Variants in ZNF536 observed in about 807,000 individuals in gnomAD.
The protein encoded by ZNF536 is zinc finger protein 536.
ZNF536 carries 13 observed loss-of-function variants against 84.5 expected under a neutral mutation model. The ratio of observed to expected loss-of-function variants is 0.15; its 90% confidence interval spans 0.10 to 0.24. ZNF536 has a LOEUF of 0.24. ZNF536 is among the 10% of genes least tolerant of loss of function. The probability of loss-of-function intolerance (pLI) is 1.00; values close to 1 mark genes in which losing one functional copy is unlikely to be tolerated. For missense variants in ZNF536, 1,536 were observed against 1,747.5 expected (o/e 0.88, Z 2.16); for synonymous variants, 811 against 742.5 (o/e 1.09, Z -1.50).
intron 1 of ZNF536, among the ~76,000 whole-genome samples, chr19:30,233,015 C>T (rs1383126808): frequency 6.6e-6 from 1 of 152,184 alleles, no homozygotes; most frequent in African/African-American, 2.4e-5. Flanking sequence ...CCTTTGGGGA[C>T]TGCACAAGCT....
intron 1 of ZNF536, among the ~76,000 whole-genome samples, chr19:30,650,758 C>G (rs1019103780): frequency 6.6e-6 from 1 of 152,194 alleles, no homozygotes; most frequent in Non-Finnish European, 1.5e-5. Context: ...CCAAGAATGT[C>G]AATCTCTGCT....
At chr19:30,494,524 G>A (rs79579950) in intron 2 of ZNF536, among the ~76,000 whole-genome samples, 140 of 152,290 alleles carry the variant, frequency 9.2e-4, no homozygotes, top group African/African-American at 3.2e-3. Context: ...CAGCTCACGT[G>A]GACTTTGGGC....
At chr19:30,559,320 C>T (rs1192577877), downstream of ZNF536, among the ~76,000 whole-genome samples, 4 of 152,214 alleles carry the variant, frequency 2.6e-5, no homozygotes, top group African/African-American at 9.6e-5. Context: ...ATGACCCTAA[C>T]CTCCAGGCCC....
downstream of ZNF536, among the ~76,000 whole-genome samples, chr19:30,558,497 A>T (rs2046046887): frequency 6.6e-6 from 1 of 152,088 alleles, no homozygotes; most frequent in African/African-American, 2.4e-5. Flanking sequence ...AAATCTGAAC[A>T]TGTTCTTTTC....
intron 1 of ZNF536, among the ~76,000 whole-genome samples, chr19:30,648,198 A>C (rs990170458): frequency 5.9e-5 from 9 of 152,098 alleles, no homozygotes; most frequent in African/African-American, 2.2e-4. Flanking sequence ...AGATGCTCTT[A>C]GCTGCAGGTG....
intron 1 of ZNF536, among the ~76,000 whole-genome samples, chr19:30,415,588 C>T (rs546805986): frequency 4.4e-4 from 55 of 123,716 alleles, no homozygotes; most frequent in Non-Finnish European, 7.8e-4. Flanking sequence ...TCATCATCAT[C>T]GTCATCGTCA....
intron 2 of ZNF536, among the ~76,000 whole-genome samples, chr19:30,294,565 G>A (rs1050383845): frequency 6.6e-6 from 1 of 151,340 alleles, no homozygotes; most frequent in East Asian, 1.9e-4. Flanking sequence ...GTGTGTGTGT[G>A]TGTGTGTGTG....
intron 1 of ZNF536, among the ~76,000 whole-genome samples, chr19:30,265,423 C>T (rs2025460292): frequency 6.6e-6 from 1 of 152,168 alleles, no homozygotes; most frequent in Admixed American, 6.5e-5. Flanking sequence ...GGTCTCCCTT[C>T]ATCAGAGCAT....
At chr19:30,437,881 T>A (rs2051827249) in intron 1 of ZNF536, among the ~76,000 whole-genome samples, 2 of 152,240 alleles carry the variant, frequency 1.3e-5, no homozygotes, top group African/African-American at 4.8e-5. Flanking sequence ...ATCCTCTTCC[T>A]TATAGGTTTC....
At chr19:30,624,353 C>T (rs1335935251) in intron 1 of ZNF536, among the ~76,000 whole-genome samples, 1 of 152,176 alleles carries the variant, frequency 6.6e-6, no homozygotes, top group Non-Finnish European at 1.5e-5. Context: ...TGCCTTGAGC[C>T]TCAGGGTGCT....
chr19:30,679,162 G>A (rs2050870646), intron 1 of ZNF536, among the ~76,000 whole-genome samples: 1 of 152,114 alleles, frequency 6.6e-6, no homozygotes, highest in African/African-American at 2.4e-5. Flanking sequence ...ATGGAGGTCG[G>A]TTCAATACAG....
intron 4 of ZNF536, chr19:30,555,683 TGAAA>T (rs2045940624): frequency 6.6e-6 from 1 of 152,196 alleles, no homozygotes; most frequent in African/African-American, 2.4e-5. Flanking sequence ...GGCTGGGGTA[TGAAA>T]TACACAGTGA....
At chr19:30,464,334 G>A (rs915661347) in intron 2 of ZNF536, among the ~76,000 whole-genome samples, 7 of 152,124 alleles carry the variant, frequency 4.6e-5, no homozygotes, top group African/African-American at 1.4e-4. Context: ...TGGGGGTGTC[G>A]ACCAGAGCCT....
chr19:30,671,250 G>A (rs935048547), intron 1 of ZNF536, among the ~76,000 whole-genome samples: 15 of 152,242 alleles, frequency 9.9e-5, no homozygotes, highest in African/African-American at 3.6e-4. Context: ...TTGGGGAAGG[G>A]GTCATGTGTC....
In ZNF536 at chr19:30,394,426, C is replaced by T. The variant is rs117111718; in HGVS notation, c.-3+21870C>T. 4.2e-3 allele frequency among the ~76,000 whole-genome samples: 636 copies of T among 152,238 alleles called. 3 individuals carry two copies. Among genetic ancestry groups the T allele is most frequent in the Non-Finnish European group, 7.1e-3 (480 of 68,010 alleles). On this transcript the variant is annotated intron_variant, in intron 1 of 4. Transcript: ENST00000355537. ...TGCAAATGCTCATTTCCCTAAACAG[C>T]CCTCTCCCCACTCCCACTTCTCAGC...
chr19:30,347,566 G>T (rs566220534), intron 2 of ZNF536, among the ~76,000 whole-genome samples: 2 of 152,110 alleles, frequency 1.3e-5, no homozygotes, highest in South Asian at 2.1e-4. Context: ...ATGGAGGCTC[G>T]GGGTCAGGAT....
At chr19:30,395,466 C>T (rs917057003) in intron 1 of ZNF536, among the ~76,000 whole-genome samples, 3 of 152,198 alleles carry the variant, frequency 2.0e-5, no homozygotes, top group Admixed American at 6.5e-5. Flanking sequence ...TGGTTAAGAA[C>T]TGTGCCTCCT....
chr19:30,427,768 G>A (rs1432970344), intron 1 of ZNF536, among the ~76,000 whole-genome samples: 1 of 152,152 alleles, frequency 6.6e-6, no homozygotes, highest in Non-Finnish European at 1.5e-5. Context: ...CATGTGTAAT[G>A]TCTCTGGGCT....
chr19:30,498,323 C>A (rs2054805310), intron 2 of ZNF536, among the ~76,000 whole-genome samples: 1 of 152,146 alleles, frequency 6.6e-6, no homozygotes, highest in Non-Finnish European at 1.5e-5. Flanking sequence ...TTATCCTCAG[C>A]AAACTAATGC....
Sources: allele counts gnomAD v4.1 joint callset (sites outside exome capture counted in the v4.1 genomes callset), GRCh38; gene constraint gnomAD v4.1.1; transcripts MANE v1.5; gene names NCBI Gene and HGNC (gene_info 2026-07-23, HGNC 2026-07-21).